Variants in ATP8B4 observed in about 807,000 individuals in gnomAD.
The protein encoded by ATP8B4 is ATPase phospholipid transporting 8B4 (putative).
Under a neutral mutation model 145.6 loss-of-function variants are expected in ATP8B4, and 133 were observed. That is an observed-to-expected ratio of 0.91 (90% CI 0.79 to 1.05). ATP8B4 has a LOEUF of 1.05. ATP8B4 is among the 50% of genes least tolerant of loss of function. The pLI, the probability that ATP8B4 is intolerant of heterozygous loss-of-function variation, is 0.00. For missense variants in ATP8B4, 1,458 were observed against 1,425.2 expected, an observed-to-expected ratio of 1.02 and a Z score of -0.37; for synonymous variants, 507 against 492.9, an observed-to-expected ratio of 1.03 and a Z score of -0.38.
intron 24 of ATP8B4, 45 bp from the exon 25 acceptor site, chr15:49,876,568 C>A (rs774517826): frequency 2.5e-6 from 4 of 1,610,212 alleles, no homozygotes; most frequent in South Asian, 1.1e-5. Context: ...TAAAAAGAGT[C>A]AGAGAGGCCT....
Position 50,165,211 on chromosome 15 carries a change from C to T in ATP8B4, c.-43+17050G>A, listed in dbSNP as rs1046716403. ...ATTACAGGTACCCACCACCACAGCC[C>T]CCAGCTAATTTTTGTATTTTTAGTA... On this transcript the variant is annotated intron_variant, in intron 1 of 3. Coordinates refer to the ATP8B4 transcript ENST00000558829. Among the ~76,000 whole-genome samples, 14 of 151,956 alleles carry T rather than the reference C, an allele frequency of 9.2e-5. 1 individual carries two copies. The highest frequency in any genetic ancestry group is 3.4e-4 in the African/African-American group (14 of 41,366).
At chr15:49,961,839 T>G (rs2044107654) in intron 14 of ATP8B4, 138 bp downstream of exon 14, 4 of 683,252 alleles carry the variant, frequency 5.9e-6, no homozygotes, top group Admixed American at 7.3e-5. Context: ...TGAATCATAT[T>G]AATCTATTTT....
At chr15:50,076,611 C>G (rs1439200436) in intron 2 of ATP8B4, among the ~76,000 whole-genome samples, 1 of 152,204 alleles carries the variant, frequency 6.6e-6, no homozygotes, top group Non-Finnish European at 1.5e-5. Flanking sequence ...TATGGTAGGT[C>G]AGTTTGGATC....
Position 49,866,499 on chromosome 15 carries a change from A to G in ATP8B4, c.3028-15T>C. The G allele has an allele frequency of 6.2e-7, 1 of 1,612,218 alleles. No individual in the cohort carries two copies. The highest frequency in any genetic ancestry group is 1.7e-4 in the Middle Eastern group (1 of 6,048). ...TCCAAGGCTATCTGTAAATAAAATC[A>G]AATGCAAACGGGAGGTCTTTGAGGA... On this transcript the variant is annotated splice_polypyrimidine_tract_variant and intron_variant, in intron 25 of 27. Transcript: ENST00000284509.
intron 4 of ATP8B4, among the ~76,000 whole-genome samples, chr15:50,045,240 C>A (rs2414007): frequency 0.96 from 146,040 of 152,312 alleles, 70,054 homozygotes; most frequent in East Asian, 1. Flanking sequence ...TACATTATGA[C>A]GGGTGACCAG....
intron 2 of ATP8B4, among the ~76,000 whole-genome samples, chr15:50,094,540 A>G (rs2055829123): frequency 6.6e-6 from 1 of 150,544 alleles, no homozygotes; most frequent in Non-Finnish European, 1.5e-5. Flanking sequence ...ACACATACAT[A>G]CATGTATATA....
At chr15:50,172,287 C>T (rs1035912404) in intron 1 of ATP8B4, among the ~76,000 whole-genome samples, 18 of 152,254 alleles carry the variant, frequency 1.2e-4, no homozygotes, top group African/African-American at 3.9e-4. Context: ...GGATTGCAGG[C>T]GTGCGCCGCC....
At chr15:50,010,070 A>AT (rs1399864755) in intron 7 of ATP8B4, among the ~76,000 whole-genome samples, 2 of 152,082 alleles carry the variant, frequency 1.3e-5, no homozygotes, top group African/African-American at 2.4e-5. Flanking sequence ...TTGGGGCCAT[A>AT]TTTTTTTCCC....
chr15:50,135,125 A>G (rs538237598), intron 1 of ATP8B4, among the ~76,000 whole-genome samples: 1 of 152,238 alleles, frequency 6.6e-6, no homozygotes, highest in Non-Finnish European at 1.5e-5. Context: ...AAATGGTTTT[A>G]TGTCCCCAGT....
At chr15:49,883,848 T>G (rs977081792) in intron 23 of ATP8B4, among the ~76,000 whole-genome samples, 1 of 152,140 alleles carries the variant, frequency 6.6e-6, no homozygotes, top group Non-Finnish European at 1.5e-5. Context: ...CAGAACCTTT[T>G]AGGGGATCCA....
intron 23 of ATP8B4, among the ~76,000 whole-genome samples, chr15:49,885,289 AGTTTCCTCT>A (rs760969901): frequency 3.3e-5 from 5 of 152,206 alleles, no homozygotes; most frequent in Non-Finnish European, 5.9e-5. Context: ...TTCATATGGA[AGTTTCCTCT>A]GAACACTCAG....
At chr15:49,995,165 C>G (rs2047325190) in intron 9 of ATP8B4, among the ~76,000 whole-genome samples, 1 of 152,126 alleles carries the variant, frequency 6.6e-6, no homozygotes. Flanking sequence ...TGCTAACAAT[C>G]ATGTTCTGCT....
intron 3 of ATP8B4, among the ~76,000 whole-genome samples, chr15:50,073,052 ACT>A (rs1377682453): frequency 8.1e-6 from 1 of 122,962 alleles, no homozygotes; most frequent in Non-Finnish European, 1.7e-5. Flanking sequence ...ACACACACAC[ACT>A]ATACATATAC....
At chr15:49,860,596 G>GTTTTAAATCTCAAAAGGAAT in intron 27 of ATP8B4, 121 bp from the exon 28 acceptor site, 1 of 1,212,096 alleles carries the variant, frequency 8.3e-7, no homozygotes, top group Non-Finnish European at 1.1e-6. Flanking sequence ...GCAAAAGGAA[G>GTTTTAAATCTCAAAAGGAAT]TTTTAAATCT....
At chr15:49,982,167 AG>A (rs2046213256) in intron 10 of ATP8B4, among the ~76,000 whole-genome samples, 1 of 152,168 alleles carries the variant, frequency 6.6e-6, no homozygotes, top group African/African-American at 2.4e-5. Context: ...AAAGGAGAAA[AG>A]GGAGGCACAC....
At chr15:50,158,784 C>A (rs553589035) in intron 1 of ATP8B4, among the ~76,000 whole-genome samples, 2 of 152,168 alleles carry the variant, frequency 1.3e-5, no homozygotes, top group African/African-American at 4.8e-5. Context: ...GCCTTGGGAC[C>A]CTGTTGATCT....
At chr15:50,024,643 C>T (rs2049868532) in intron 6 of ATP8B4, among the ~76,000 whole-genome samples, 1 of 152,220 alleles carries the variant, frequency 6.6e-6, no homozygotes, top group Non-Finnish European at 1.5e-5. Flanking sequence ...CCCAGCAAGT[C>T]TATTTCTGCT....
intron 6 of ATP8B4, among the ~76,000 whole-genome samples, chr15:50,019,634 C>G (rs2049371626): frequency 6.6e-6 from 1 of 152,182 alleles, no homozygotes; most frequent in South Asian, 2.1e-4. Flanking sequence ...TTCTCTACTT[C>G]TTGACTGTCC....
intron 9 of ATP8B4, among the ~76,000 whole-genome samples, chr15:49,989,016 C>T (rs978552361): frequency 5.3e-5 from 8 of 152,194 alleles, no homozygotes; most frequent in African/African-American, 1.4e-4. Context: ...TGAAGCCTCC[C>T]CACTTAGGCA....
Sources: allele counts gnomAD v4.1 joint callset (sites outside exome capture counted in the v4.1 genomes callset), GRCh38; gene constraint gnomAD v4.1.1; transcripts MANE v1.5; gene names NCBI Gene and HGNC (gene_info 2026-07-23, HGNC 2026-07-21).